The following KATNIP variants were observed in gnomAD, a reference collection of about 807,000 sequenced individuals.
KATNIP encodes katanin interacting protein, also known as katanin-interacting protein.
A neutral mutation model predicts 174.0 loss-of-function variants in KATNIP; 126 were observed. That is an observed-to-expected ratio of 0.72 (90% confidence interval 0.63 to 0.84). KATNIP has a LOEUF of 0.84. Ranked by LOEUF, KATNIP falls within the 40% of genes least tolerant of loss-of-function variation. KATNIP has a pLI of 0.00. For synonymous variants in KATNIP, 810 were observed against 835.7 expected (o/e 0.97, Z 0.53); for missense variants, 1,958 against 2,109.7 (o/e 0.93, Z 1.41).
intron 14 of KATNIP, among the ~76,000 whole-genome samples, chr16:27,729,368 T>C (rs908185518): frequency 2.0e-5 from 3 of 152,214 alleles, no homozygotes; most frequent in Non-Finnish European, 4.4e-5. Flanking sequence ...CGCCCATTAT[T>C]GGTCAGACCT....
chr16:27,748,795 A>G (rs1280595477), intron 15 of KATNIP, among the ~76,000 whole-genome samples: 1 of 152,144 alleles, frequency 6.6e-6, no homozygotes, highest in East Asian at 1.9e-4. Context: ...AAAAAAAATT[A>G]AAAAGAAAGA....
intron 6 of KATNIP, among the ~76,000 whole-genome samples, chr16:27,670,700 C>A (rs756332011): frequency 5.3e-5 from 8 of 152,144 alleles, no homozygotes; most frequent in Non-Finnish European, 1.2e-4. Flanking sequence ...TGTCCAGGGT[C>A]CTCCACTCCA....
In KATNIP at chr16:27,749,867, C is replaced by T. The variant is rs775094409; in HGVS notation, c.2907C>T (p.Pro969=). 1.2e-4 allele frequency: 187 copies of T among 1,614,070 alleles called. No individual in the cohort carries two copies. The highest frequency in any genetic ancestry group is 1.4e-4 in the Non-Finnish European group (163 of 1,180,040). Residue 969 remains proline, a synonymous_variant, in exon 16 of 28, where the codon CCC becomes CCT. Coordinates refer to ENST00000261588, the MANE Select transcript of KATNIP (RefSeq NM_015202.5). ...ETDAGGDFKI[P]VLPYGQRLVI... The stretch of plus-strand genomic sequence containing the variant: ...ACGCTGGGGGTGACTTTAAAATCCC[C>T]GTCTTGCCTTATGGACAGCGCTTGG...
chr16:27,585,938 C>G (rs1275553703), intron 2 of KATNIP, among the ~76,000 whole-genome samples: 2 of 151,830 alleles, frequency 1.3e-5, no homozygotes, highest in African/African-American at 4.8e-5. Flanking sequence ...CCTGTCTCTA[C>G]TGAAAATACA....
At chr16:27,591,871 A>T (rs562061207) in intron 2 of KATNIP, among the ~76,000 whole-genome samples, 1 of 152,080 alleles carries the variant, frequency 6.6e-6, no homozygotes, top group South Asian at 2.1e-4. Context: ...TTCCCTCCCA[A>T]TGCCTCCCCT....
chr16:27,561,694 G>GTGTGTGTGTA (rs2089890898), intron 1 of KATNIP, among the ~76,000 whole-genome samples: 1 of 152,162 alleles, frequency 6.6e-6, no homozygotes, highest in Admixed American at 6.5e-5. Context: ...GCAGTGTGTG[G>GTGTGTGTGTA]TGTGTGTGTA....
Position 27,770,028 on chromosome 16 carries a change from A to G in KATNIP, c.4133+10A>G. 6.2e-7 allele frequency: 1 copy of G among 1,610,814 alleles called. No homozygotes were observed. The highest frequency in any genetic ancestry group is 8.5e-7 in the Non-Finnish European group (1 of 1,177,312). On this transcript the variant is annotated intron_variant, in intron 21 of 27. Transcript: ENST00000261588. ...CCCAGCCGGCCAGGAGGTGAGGAGA[A>G]AGTGGGCGCCACACACAGCCCCTCC...
intron 2 of KATNIP, among the ~76,000 whole-genome samples, chr16:27,593,891 A>G (rs547147454): frequency 5.3e-5 from 8 of 152,248 alleles, no homozygotes; most frequent in African/African-American, 1.9e-4. Flanking sequence ...CCAGGTGCCT[A>G]TGGTTAGTGG....
At chr16:27,702,305 C>A (rs544800013) in intron 11 of KATNIP, among the ~76,000 whole-genome samples, 4 of 152,232 alleles carry the variant, frequency 2.6e-5, no homozygotes, top group African/African-American at 7.2e-5. Flanking sequence ...GGTTGGCCCA[C>A]AGCAGCGTCC....
chr16:27,775,501 G>T (rs918289246), intron 24 of KATNIP, among the ~76,000 whole-genome samples: 2 of 152,204 alleles, frequency 1.3e-5, no homozygotes, highest in Non-Finnish European at 2.9e-5. Flanking sequence ...CCAGGTAGAT[G>T]ACCCCAGTAC....
At chr16:27,611,609 T>C (rs2075894383) in intron 2 of KATNIP, among the ~76,000 whole-genome samples, 1 of 152,186 alleles carries the variant, frequency 6.6e-6, no homozygotes, top group Admixed American at 6.5e-5. Flanking sequence ...ATAATCTGAC[T>C]GGGGAGCCAA....
chr16:27,624,013 C>T (rs1005032043), intron 3 of KATNIP, among the ~76,000 whole-genome samples: 2 of 152,100 alleles, frequency 1.3e-5, no homozygotes, highest in Non-Finnish European at 2.9e-5. Context: ...CTAAAGATGC[C>T]GGCACCTCCC....
intron 2 of KATNIP, among the ~76,000 whole-genome samples, chr16:27,581,298 C>T (rs1433950766): frequency 6.6e-6 from 1 of 152,044 alleles, no homozygotes; most frequent in Non-Finnish European, 1.5e-5. Flanking sequence ...TAGGAATAGC[C>T]AAAGGTTAAA....
At chr16:27,672,647 G>A (rs1477235623) in intron 6 of KATNIP, among the ~76,000 whole-genome samples, 3 of 152,218 alleles carry the variant, frequency 2.0e-5, no homozygotes, top group African/African-American at 4.8e-5. Context: ...TGTGTTATGC[G>A]TGGATAATCT....
At chr16:27,585,757 A>T (rs749173136) in intron 2 of KATNIP, among the ~76,000 whole-genome samples, 1 of 152,214 alleles carries the variant, frequency 6.6e-6, no homozygotes, top group Non-Finnish European at 1.5e-5. Context: ...TGGGTCCCAG[A>T]GGCTACGGAG....
intron 1 of KATNIP, among the ~76,000 whole-genome samples, chr16:27,551,312 G>A (rs1447132646): frequency 6.6e-6 from 1 of 152,162 alleles, no homozygotes; most frequent in African/African-American, 2.4e-5. Context: ...TGAATGTAGT[G>A]TGGAGAAAAT....
At chr16:27,610,137 C>G (rs1034802214) in intron 2 of KATNIP, among the ~76,000 whole-genome samples, 2 of 152,100 alleles carry the variant, frequency 1.3e-5, no homozygotes, top group African/African-American at 4.8e-5. Flanking sequence ...CAGGAGCCCC[C>G]TTGGGGTCCT....
At chr16:27,610,432 T>C (rs2075858243) in intron 2 of KATNIP, among the ~76,000 whole-genome samples, 1 of 152,182 alleles carries the variant, frequency 6.6e-6, no homozygotes, top group Non-Finnish European at 1.5e-5. Flanking sequence ...CATTGCATTT[T>C]GTGTATTTTA....
intron 14 of KATNIP, among the ~76,000 whole-genome samples, chr16:27,729,460 T>A (rs1262401343): frequency 6.6e-6 from 1 of 152,232 alleles, no homozygotes; most frequent in East Asian, 1.9e-4. Context: ...GAAATTGAAG[T>A]GCTGCCTCTA....
Sources: allele counts gnomAD v4.1 joint callset (sites outside exome capture counted in the v4.1 genomes callset), GRCh38; gene constraint gnomAD v4.1.1; transcripts MANE v1.5; gene names NCBI Gene and HGNC (gene_info 2026-07-23, HGNC 2026-07-21).